ADAMTS6: variants seen among roughly 807,000 people sequenced by gnomAD.
ADAMTS6 encodes ADAM metallopeptidase with thrombospondin type 1 motif 6.
A neutral mutation model predicts 144.3 loss-of-function variants in ADAMTS6; 23 were observed. That is an observed-to-expected ratio of 0.16 (90% confidence interval 0.11 to 0.23). The LOEUF (loss-of-function observed/expected upper bound fraction) is 0.23, where lower values mean the gene tolerates loss of function less well. Ranked by LOEUF, ADAMTS6 falls within the 10% of genes least tolerant of loss-of-function variation. The pLI is 1.00. For synonymous variants in ADAMTS6, 444 were observed against 457.5 expected (o/e 0.97, Z 0.38); for missense variants, 999 against 1,379.6 (o/e 0.72, Z 4.37).
intron 7 of ADAMTS6, among the ~76,000 whole-genome samples, chr5:65,389,220 A>G (rs1752719586): frequency 6.6e-6 from 1 of 151,846 alleles, no homozygotes; most frequent in African/African-American, 2.4e-5. Context: ...AAAAAAAAAG[A>G]AAGAAAGAAA....
intron 5 of ADAMTS6, 56 bp from the exon 6 acceptor site, chr5:65,452,272 AGTTT>A: frequency 6.5e-7 from 1 of 1,536,660 alleles, no homozygotes; most frequent in South Asian, 1.1e-5. Context: ...ATAGGGTGAT[AGTTT>A]GGTTTTTTAA....
At chr5:65,431,420 T>C (rs964807961) in intron 7 of ADAMTS6, among the ~76,000 whole-genome samples, 3 of 152,166 alleles carry the variant, frequency 2.0e-5, no homozygotes, top group African/African-American at 4.8e-5. Flanking sequence ...TTCATATGCC[T>C]TTTCAAAAAC....
intron 7 of ADAMTS6, among the ~76,000 whole-genome samples, chr5:65,336,525 T>C (rs970151697): frequency 1.3e-5 from 2 of 152,078 alleles, no homozygotes; most frequent in African/African-American, 4.8e-5. Context: ...AGATTTGTCC[T>C]GTATGTCCAC....
chr5:65,405,652 C>T (rs1441469282), intron 7 of ADAMTS6, among the ~76,000 whole-genome samples: 1 of 152,058 alleles, frequency 6.6e-6, no homozygotes, highest in Non-Finnish European at 1.5e-5. Context: ...TCCATATGAA[C>T]TTTAAAGTAG....
intron 3 of ADAMTS6, among the ~76,000 whole-genome samples, chr5:65,462,373 A>G (rs773798247): frequency 6.6e-6 from 1 of 152,228 alleles, no homozygotes; most frequent in Non-Finnish European, 1.5e-5. Flanking sequence ...GCTGGGGAAA[A>G]ATGAAGTCAG....
intron 7 of ADAMTS6, among the ~76,000 whole-genome samples, chr5:65,349,492 AC>A (rs1451297834): frequency 3.3e-5 from 5 of 152,142 alleles, no homozygotes; most frequent in Non-Finnish European, 7.3e-5. Context: ...TTATCATCAA[AC>A]CAACTGATAA....
At chr5:65,392,517 A>G (rs938596834) in intron 7 of ADAMTS6, among the ~76,000 whole-genome samples, 6 of 152,158 alleles carry the variant, frequency 3.9e-5, no homozygotes, top group Non-Finnish European at 7.3e-5. Flanking sequence ...TTTACAAACT[A>G]TTACTATACT....
intron 3 of ADAMTS6, among the ~76,000 whole-genome samples, chr5:65,468,144 T>C (rs929161227): frequency 6.6e-6 from 1 of 152,080 alleles, no homozygotes; most frequent in African/African-American, 2.4e-5. Context: ...CAGACTATAA[T>C]GTTAGGAATT....
At chr5:65,437,589 G>A (rs945879619) in intron 7 of ADAMTS6, among the ~76,000 whole-genome samples, 3 of 152,110 alleles carry the variant, frequency 2.0e-5, no homozygotes, top group Non-Finnish European at 4.4e-5. Flanking sequence ...ACAAGGTATA[G>A]TCATCCTTTG....
At chr5:65,218,953 A>G (rs905431533) in intron 18 of ADAMTS6, among the ~76,000 whole-genome samples, 1 of 152,236 alleles carries the variant, frequency 6.6e-6, no homozygotes, top group African/African-American at 2.4e-5. Context: ...TTTGTAAATC[A>G]TAAAGCAACC....
Position 65,239,263 on chromosome 5 carries a change from T to TAAAA in ADAMTS6, c.1933+2837_1933+2840dup, listed in dbSNP as rs397884878. ...CACATGCACCCTAGAACTTAATGTA[T>TAAAA]AAAAAAAAAAAAAACTGTGTTCATG... is the stretch of plus-strand genomic sequence containing the variant. On this transcript the variant is annotated intron_variant, in intron 15 of 24. Transcript: ENST00000381055. 6.2e-3 allele frequency among the ~76,000 whole-genome samples: 891 copies of TAAAA among 142,884 alleles called. 13 individuals carry two copies. Among genetic ancestry groups the TAAAA allele is most frequent in the African/African-American group, 0.02 (791 of 39,450 alleles). 93.7% of individuals were successfully genotyped at this position (142,884 alleles called of 152,430 possible). A position where few individuals can be genotyped will look rare whatever the true frequency, so the allele number is the denominator to read the frequency against.
At chr5:65,237,997 G>A (rs1758826229) in intron 15 of ADAMTS6, among the ~76,000 whole-genome samples, 1 of 152,002 alleles carries the variant, frequency 6.6e-6, no homozygotes, top group Non-Finnish European at 1.5e-5. Flanking sequence ...TGAGGTGGGA[G>A]GATGCTTGAG....
At chr5:65,321,323 A>ATATG (rs1391911140) in intron 9 of ADAMTS6, among the ~76,000 whole-genome samples, 1 of 151,484 alleles carries the variant, frequency 6.6e-6, no homozygotes, top group East Asian at 1.9e-4. Flanking sequence ...TTTTTTTCAT[A>ATATG]TATGTATGTA....
intron 7 of ADAMTS6, among the ~76,000 whole-genome samples, chr5:65,402,877 T>C (rs1754054106): frequency 6.6e-6 from 1 of 152,170 alleles, no homozygotes; most frequent in Non-Finnish European, 1.5e-5. Context: ...ATGAACTCCA[T>C]GGACTCTTCA....
At chr5:65,387,711 C>T (rs962071442) in intron 7 of ADAMTS6, among the ~76,000 whole-genome samples, 2 of 152,062 alleles carry the variant, frequency 1.3e-5, no homozygotes, top group African/African-American at 4.8e-5. Flanking sequence ...TCATGGGTCA[C>T]TCTGAAAATT....
rs1752137111 is a variant in ADAMTS6, at chr5:65,151,521, A to G, written c.*315T>C. On this transcript the variant is annotated 3_prime_UTR_variant, in exon 25 of 25. Coordinates refer to ENST00000381055, the MANE Select transcript of ADAMTS6 (RefSeq NM_197941.4). ...TAATAAAAATTATCTTAATGGTCCA[A>G]GGAGGTAAACAGGCTATTGGATTTA... 3.5e-6 allele frequency: 1 copy of G among 286,656 alleles called. No homozygotes were observed. Among genetic ancestry groups the G allele is most frequent in the Admixed American group, 4.7e-5 (1 of 21,374 alleles). The allele number at this position is 286,656 out of a possible 1,614,324, so 17.8% of individuals were successfully genotyped here.
chr5:65,453,106 AATT>A (rs1029186575), intron 4 of ADAMTS6, among the ~76,000 whole-genome samples, 188 bp from the exon 5 acceptor site: 1 of 151,864 alleles, frequency 6.6e-6, no homozygotes, highest in Non-Finnish European at 1.5e-5. Context: ...TATCTGAAAA[AATT>A]AAACATTCAA....
At chr5:65,188,505 T>G (rs1310260383) in intron 21 of ADAMTS6, among the ~76,000 whole-genome samples, 3 of 152,212 alleles carry the variant, frequency 2.0e-5, no homozygotes, top group Admixed American at 6.5e-5. Context: ...AGGATAACAA[T>G]GATCAATCTC....
intron 7 of ADAMTS6, among the ~76,000 whole-genome samples, chr5:65,334,974 A>T (rs999059480): frequency 6.6e-6 from 1 of 152,192 alleles, no homozygotes; most frequent in Non-Finnish European, 1.5e-5. Flanking sequence ...AAGCGAAAAG[A>T]TTTCAGTTAA....
Sources: gnomAD v4.1 joint callset for allele counts (sites outside exome capture counted in the v4.1 genomes callset) on GRCh38, gnomAD v4.1.1 for gene constraint, MANE v1.5 for transcripts, NCBI Gene and HGNC (gene_info 2026-07-23, HGNC 2026-07-21) for gene names.